The following CCDC171 variants were observed in gnomAD, a reference collection of about 807,000 sequenced individuals.
CCDC171 encodes coiled-coil domain-containing protein 171.
In CCDC171, 177 loss-of-function variants were observed where a neutral mutation model predicts 168.2. The ratio of observed to expected loss-of-function variants is 1.05; its 90% CI spans 0.93 to 1.19. The LOEUF (loss-of-function observed/expected upper bound fraction) is 1.19, where lower values mean the gene tolerates loss of function less well. CCDC171 is among the 50% of genes most tolerant of loss of function. The pLI is 0.00. For synonymous variants in CCDC171, 687 were observed against 540.8 expected, an observed-to-expected ratio of 1.27 and a Z score of -3.75; for missense variants, 1,991 against 1,539.0, an observed-to-expected ratio of 1.29 and a Z score of -4.91.
intron 7 of CCDC171, among the ~76,000 whole-genome samples, chr9:15,625,661 G>C (rs1166625971): frequency 6.6e-6 from 1 of 152,192 alleles, no homozygotes; most frequent in Non-Finnish European, 1.5e-5. Context: ...GCTCTGTTCT[G>C]TTCCATTGGT....
At chr9:15,860,936 A>ATGTGTGTGTGTGGTG (rs2061530220) in intron 23 of CCDC171, among the ~76,000 whole-genome samples, 1 of 144,178 alleles carries the variant, frequency 6.9e-6, no homozygotes, top group African/African-American at 2.7e-5. Flanking sequence ...GTTGTTAGGG[A>ATGTGTGTGTGTGGTG]TGTGTGTGTG....
intron 21 of CCDC171, among the ~76,000 whole-genome samples, chr9:15,838,344 T>C (rs1238694760): frequency 6.6e-6 from 1 of 152,186 alleles, no homozygotes; most frequent in Admixed American, 6.5e-5. Flanking sequence ...TTCTGAAGGT[T>C]TAAATGAGCT....
intron 11 of CCDC171, among the ~76,000 whole-genome samples, chr9:15,704,321 A>G (rs2052038916): frequency 6.6e-6 from 1 of 152,206 alleles, no homozygotes; most frequent in Non-Finnish European, 1.5e-5. Context: ...CTAGGAGTTC[A>G]AGTCCAGACT....
At chr9:16,049,033 G>A (rs959235853) in intron 1 of CCDC171, among the ~76,000 whole-genome samples, 1 of 150,854 alleles carries the variant, frequency 6.6e-6, no homozygotes, top group East Asian at 2.0e-4. Flanking sequence ...AATCCCTAAA[G>A]TCTAAAATCC....
intron 24 of CCDC171, among the ~76,000 whole-genome samples, chr9:15,900,807 T>C (rs1453813129): frequency 1.3e-5 from 2 of 152,200 alleles, no homozygotes; most frequent in Admixed American, 6.5e-5. Flanking sequence ...GGCTCTGCTC[T>C]GCTTTCCTGA....
chr9:15,626,951 A>C (rs191452589), intron 7 of CCDC171, among the ~76,000 whole-genome samples: 1 of 151,924 alleles, frequency 6.6e-6, no homozygotes, highest in Non-Finnish European at 1.5e-5. Flanking sequence ...GGTCCTGGAC[A>C]TTTTTTGGTT....
At chr9:15,634,036 G>C (rs924725087) in intron 7 of CCDC171, among the ~76,000 whole-genome samples, 1 of 151,566 alleles carries the variant, frequency 6.6e-6, no homozygotes, top group Non-Finnish European at 1.5e-5. Context: ...GGGGTGGGGA[G>C]AGGGGGGCGG....
rs1589231568 is a variant in CCDC171 at position 15,952,588 on chromosome 9, G to C, written c.3754-19021G>C. On this transcript the variant is annotated intron_variant, in intron 25 of 25. Transcript: ENST00000380701. ...AATTTTGTACTTTTAGTAGAGACGGGGTTTCTCCATGTTGGTCAGGCTGGT... is the reference window on the plus strand; with the variant it reads ...AATTTTGTACTTTTAGTAGAGACGGCGTTTCTCCATGTTGGTCAGGCTGGT... Among the ~76,000 whole-genome samples, 7 of 152,034 alleles carry C rather than the reference G, an allele frequency of 4.6e-5. No homozygotes were observed. The South Asian group carries it at 1.5e-3, about 32-fold the overall frequency.
chr9:15,941,134 A>G (rs897637282), intron 25 of CCDC171, among the ~76,000 whole-genome samples: 1 of 151,976 alleles, frequency 6.6e-6, no homozygotes, highest in Non-Finnish European at 1.5e-5. Flanking sequence ...CCGGCAGACT[A>G]TTGCAGAGGA....
rs181923814 is a variant in CCDC171, at chr9:15,560,537, C to T, written c.-111-3441C>T. ...ATCAAATCGGCTACTGAAGCTTGTGCATTCGTCACATAGTTCTCTTGCCAT... is the reference window on the plus strand; with the variant it reads ...ATCAAATCGGCTACTGAAGCTTGTGTATTCGTCACATAGTTCTCTTGCCAT... On this transcript the variant is annotated intron_variant, in intron 1 of 25. Transcript: ENST00000380701. 7.2e-5 allele frequency among the ~76,000 whole-genome samples: 11 copies of T among 152,194 alleles called. No individual in the cohort carries two copies. In the East Asian group the frequency reaches 1.3e-3, roughly 19 times the overall value.
intron 25 of CCDC171, among the ~76,000 whole-genome samples, chr9:15,959,867 C>G (rs1397459607): frequency 6.6e-6 from 1 of 152,152 alleles, no homozygotes; most frequent in Non-Finnish European, 1.5e-5. Flanking sequence ...GTGACAGATA[C>G]TGCAAGGCAC....
At chr9:15,657,064 T>C in intron 7 of CCDC171, 63 bp from the exon 8 acceptor site, 1 of 892,628 alleles carries the variant, frequency 1.1e-6, no homozygotes, top group Non-Finnish European at 1.8e-6. Flanking sequence ...TGCTGGACTG[T>C]AGTGATCCAT....
chr9:15,708,619 G>A (rs1042873042), intron 11 of CCDC171, among the ~76,000 whole-genome samples: 2 of 152,026 alleles, frequency 1.3e-5, no homozygotes, highest in Admixed American at 6.5e-5. Context: ...AATGACCCAC[G>A]GATTGGAGGT....
intron 16 of CCDC171, among the ~76,000 whole-genome samples, chr9:15,732,517 C>A (rs1024215802): frequency 6.6e-6 from 1 of 152,090 alleles, no homozygotes; most frequent in Non-Finnish European, 1.5e-5. Flanking sequence ...TTGCCCTCTC[C>A]AGAATGTCAT....
chr9:15,894,135 A>T (rs1820573603), intron 24 of CCDC171, among the ~76,000 whole-genome samples: 1 of 152,318 alleles, frequency 6.6e-6, no homozygotes, highest in African/African-American at 2.4e-5. Flanking sequence ...GGGAACATGG[A>T]TGGAGCTGGA....
intron 25 of CCDC171, among the ~76,000 whole-genome samples, chr9:15,949,712 CGATGG>C: frequency 6.6e-6 from 1 of 152,010 alleles, no homozygotes; most frequent in Non-Finnish European, 1.5e-5. Context: ...TGGGCTGAGA[CGATGG>C]GGTTTTCTAG....
chr9:15,571,567 G>A (rs1490376207), intron 2 of CCDC171, 57 bp from the exon 3 acceptor site: 1 of 1,330,338 alleles, frequency 7.5e-7, no homozygotes, highest in Non-Finnish European at 1.0e-6. Context: ...TATCAGAAAT[G>A]CTCTGAAATG....
intron 24 of CCDC171, among the ~76,000 whole-genome samples, chr9:15,916,500 G>A (rs1040666100): frequency 1.4e-4 from 22 of 151,942 alleles, no homozygotes; most frequent in African/African-American, 5.1e-4. Flanking sequence ...ACTCAAAAAT[G>A]TAGATAAAAT....
chr9:15,732,236 T>C (rs992731118), intron 16 of CCDC171, among the ~76,000 whole-genome samples: 1 of 152,144 alleles, frequency 6.6e-6, no homozygotes, highest in Non-Finnish European at 1.5e-5. Context: ...TTTGTTTATA[T>C]ATGTGAAATG....
Sources: allele counts gnomAD v4.1 joint callset (sites outside exome capture counted in the v4.1 genomes callset), GRCh38; gene constraint gnomAD v4.1.1; transcripts MANE v1.5; gene names NCBI Gene and HGNC (gene_info 2026-07-23, HGNC 2026-07-21).